FHIT: variants seen among roughly 807,000 people sequenced by gnomAD.
FHIT encodes the protein bis(5'-adenosyl)-triphosphatase.
A neutral mutation model predicts 17.9 loss-of-function variants in FHIT; 19 were observed. That is an observed-to-expected ratio of 1.06 (90% CI 0.74 to 1.56). FHIT has a LOEUF of 1.56. Among genes scored for constraint, FHIT ranks in the 40% most tolerant of loss-of-function variants. FHIT has a pLI of 0.00. For missense variants in FHIT, 248 were observed against 189.2 expected (o/e 1.31, Z -1.82); for synonymous variants, 81 against 69.7 (o/e 1.16, Z -0.81).
Position 59,894,199 on chromosome 3 carries a change from C to G in FHIT, c.348+28147G>C, listed in dbSNP as rs570978616. ...CGTCAAGGCTGCAGTGAGCCATGATCATACCACTGTACTCCAGCCTGGGCA... is the reference window on the plus strand; with the variant it reads ...CGTCAAGGCTGCAGTGAGCCATGATGATACCACTGTACTCCAGCCTGGGCA... On this transcript the variant is annotated intron_variant, in intron 8 of 9. Transcript: ENST00000492590. Among the ~76,000 whole-genome samples, 12 of 152,238 alleles carry G rather than the reference C, an allele frequency of 7.9e-5. No homozygotes were observed. The South Asian group carries it at 2.5e-3, about 32-fold the overall frequency.
At chr3:59,951,282 G>C (rs1042641726) in intron 7 of FHIT, among the ~76,000 whole-genome samples, 1 of 149,906 alleles carries the variant, frequency 6.7e-6, no homozygotes, top group African/African-American at 2.5e-5. Context: ...CACAGAAATG[G>C]AAGTTGCTGT....
chr3:59,782,766 A>G (rs1281828659), intron 8 of FHIT, among the ~76,000 whole-genome samples: 1 of 152,170 alleles, frequency 6.6e-6, no homozygotes, highest in Non-Finnish European at 1.5e-5. Context: ...TGCAGGCAGG[A>G]GGCATGCAGT....
At chr3:60,725,078 T>G in intron 4 of FHIT, among the ~76,000 whole-genome samples, 1 of 152,214 alleles carries the variant, frequency 6.6e-6, no homozygotes, top group East Asian at 1.9e-4. Context: ...CATTTGCATA[T>G]CTTCTTTGGA....
chr3:60,185,431 T>A (rs555706174), intron 5 of FHIT, among the ~76,000 whole-genome samples: 1 of 152,224 alleles, frequency 6.6e-6, no homozygotes, highest in Non-Finnish European at 1.5e-5. Flanking sequence ...TTACTATTCA[T>A]CCATGTTTCT....
intron 2 of FHIT, among the ~76,000 whole-genome samples, chr3:61,064,173 G>A (rs1448689341): frequency 1.3e-5 from 2 of 152,150 alleles, no homozygotes; most frequent in Non-Finnish European, 2.9e-5. Context: ...TAGCCAAAGA[G>A]AAATCGAAAG....
At chr3:61,049,510 C>A (rs568082480) in intron 2 of FHIT, among the ~76,000 whole-genome samples, 79 of 152,160 alleles carry the variant, frequency 5.2e-4, no homozygotes, top group African/African-American at 1.9e-3. Context: ...TGATAGGGAA[C>A]TTGGTAACAG....
chr3:60,540,090 T>G (rs1291940242), intron 4 of FHIT, among the ~76,000 whole-genome samples: 2 of 152,006 alleles, frequency 1.3e-5, no homozygotes, highest in Non-Finnish European at 2.9e-5. Context: ...TCACCAATGG[T>G]CAACAGTTTA....
chr3:60,446,245 T>C (rs2031324708), intron 5 of FHIT, among the ~76,000 whole-genome samples: 1 of 152,170 alleles, frequency 6.6e-6, no homozygotes. Flanking sequence ...TTTGTTTCTC[T>C]TGGTCCTCTT....
At position 60,466,029 on chromosome 3, in the gene FHIT, C is replaced by A. The variant is rs535642581; in HGVS notation, c.103+70831G>T. On this transcript the variant is annotated intron_variant, in intron 5 of 9. Coordinates refer to ENST00000492590, the MANE Select transcript of FHIT (RefSeq NM_002012.4). ...CTTCCAAACCATGAACATGGAATAT[C>A]TTTCCATTTATCTTGTGTCCTCTTC... 4.6e-5 allele frequency among the ~76,000 whole-genome samples: 7 copies of A among 152,084 alleles called. No homozygotes were observed. In the East Asian group the frequency reaches 1.4e-3, roughly 29 times the overall value.
At chr3:60,819,763 G>T (rs1167850924) in intron 4 of FHIT, among the ~76,000 whole-genome samples, 1 of 152,124 alleles carries the variant, frequency 6.6e-6, no homozygotes, top group Non-Finnish European at 1.5e-5. Context: ...GAGAGGTTGA[G>T]TTCACTAAGA....
chr3:60,351,821 A>T (rs945311570), intron 5 of FHIT, among the ~76,000 whole-genome samples: 1 of 152,134 alleles, frequency 6.6e-6, no homozygotes, highest in African/African-American at 2.4e-5. Context: ...CAACAAAATC[A>T]CTTATAGACC....
In FHIT at chr3:59,939,749, T is replaced by C. The variant is rs147986748; in HGVS notation, c.280-17335A>G. On this transcript the variant is annotated intron_variant, in intron 7 of 9. Transcript: ENST00000492590. ...AAAATTAGTAACATAAAACAGGCCA[T>C]ACCAGGCTCATGGATATAAAATTTG... 2.0e-3 allele frequency among the ~76,000 whole-genome samples: 311 copies of C among 152,242 alleles called. 2 individuals are homozygous for C. Among genetic ancestry groups the C allele is most frequent in the Non-Finnish European group, 3.1e-3 (210 of 68,014 alleles).
intron 5 of FHIT, among the ~76,000 whole-genome samples, chr3:60,111,229 GAAATTCACTTAT>G (rs1160448724): frequency 8.5e-5 from 13 of 152,306 alleles, no homozygotes; most frequent in African/African-American, 9.6e-5. Context: ...CAGTGTTAGA[GAAATTCACTTAT>G]AAATTCACAT....
chr3:61,027,228 A>G (rs1468990915), intron 3 of FHIT, among the ~76,000 whole-genome samples: 1 of 152,072 alleles, frequency 6.6e-6, no homozygotes, highest in Non-Finnish European at 1.5e-5. Flanking sequence ...CTGGGATTAC[A>G]GGCGCCTGCC....
At position 59,980,596 on chromosome 3, in the gene FHIT, A is replaced by T. The variant is rs563090221; in HGVS notation, c.279+30775T>A. Among the ~76,000 whole-genome samples the T allele has an allele frequency of 8.6e-4, 131 of 152,308 alleles. 1 individual carries two copies. The highest frequency in any genetic ancestry group is 3.1e-3 in the African/African-American group (128 of 41,582). ...TCACAAAGCTGTGTAAGTCATCCCA[A>T]GTGTGACTCAAGTTCAGCCTGGAGA... is the stretch of plus-strand genomic sequence containing the variant. On this transcript the variant is annotated intron_variant, in intron 7 of 9. Coordinates refer to ENST00000492590, the MANE Select transcript of FHIT (RefSeq NM_002012.4).
At chr3:60,413,198 G>T (rs1376127979) in intron 5 of FHIT, among the ~76,000 whole-genome samples, 4 of 152,120 alleles carry the variant, frequency 2.6e-5, no homozygotes, top group Non-Finnish European at 5.9e-5. Flanking sequence ...ACCAGCCCTT[G>T]AGAAAAGATT....
At chr3:59,817,517 C>T (rs1347522821) in intron 8 of FHIT, among the ~76,000 whole-genome samples, 2 of 135,920 alleles carry the variant, frequency 1.5e-5, no homozygotes, top group South Asian at 2.4e-4. Context: ...GAGTTCTGAT[C>T]GTGCCACTGT....
chr3:61,021,442 A>T (rs1290600573), intron 3 of FHIT, among the ~76,000 whole-genome samples: 3 of 141,698 alleles, frequency 2.1e-5, no homozygotes, highest in African/African-American at 7.4e-5. Context: ...TACTAAAAAT[A>T]CAAAAAATTA....
intron 5 of FHIT, among the ~76,000 whole-genome samples, chr3:60,510,128 C>T (rs1006959722): frequency 3.3e-5 from 5 of 152,202 alleles, no homozygotes; most frequent in Middle Eastern, 6.8e-3. Flanking sequence ...ATTCATAAAA[C>T]AAAGGTCAGG....
Sources: allele counts gnomAD v4.1 joint callset (sites outside exome capture counted in the v4.1 genomes callset), GRCh38; gene constraint gnomAD v4.1.1; transcripts MANE v1.5; gene names NCBI Gene and HGNC (gene_info 2026-07-23, HGNC 2026-07-21).